The following MFSD6L variants were observed in gnomAD, a reference collection of about 807,000 sequenced individuals.
MFSD6L encodes major facilitator superfamily domain containing 6 like.
A neutral mutation model predicts 6.4 loss-of-function variants in MFSD6L; 9 were observed. The ratio of observed to expected loss-of-function variants is 1.42; its 90% CI spans 0.85 to 2.47. The LOEUF (loss-of-function observed/expected upper bound fraction) is 2.47. Ranked by LOEUF, MFSD6L falls within the 30% of genes most tolerant of loss-of-function variation. MFSD6L has a pLI of 0.00. For synonymous variants in MFSD6L, 336 were observed against 322.4 expected, an observed-to-expected ratio of 1.04 and a Z score of -0.45; for missense variants, 747 against 730.6, an observed-to-expected ratio of 1.02 and a Z score of -0.26.
rs774073392 is a variant in MFSD6L at position 8,797,780 on chromosome 17, G to A, written c.1341C>T (p.Tyr447=). Reference sequence around the variant, plus strand: ...ACCACCAGCTCCAGAGGAAAGAGTAGTACAGCAGCTGCCCAGCGAGGCAGC... The same window carrying A: ...ACCACCAGCTCCAGAGGAAAGAGTAATACAGCAGCTGCCCAGCGAGGCAGC... ...GLSCLAGQLL[Y]YSFLWSWWSV... is the part of the protein sequence containing the mutation. The change falls in exon 1 of 1, where the codon TAC becomes TAT. Residue 447 remains tyrosine, a synonymous_variant. Transcript: ENST00000329805. 6.8e-6 allele frequency: 11 copies of A among 1,613,922 alleles called. No individual in the cohort carries two copies. Among genetic ancestry groups the A allele is most frequent in the Middle Eastern group, 1.6e-4 (1 of 6,084 alleles).
Position 8,798,289 on chromosome 17 carries a change from C to A in MFSD6L, c.832G>T (p.Val278Leu), listed in dbSNP as rs1443793384. 10 of 1,607,672 alleles carry A rather than the reference C, an allele frequency of 6.2e-6. No homozygotes were observed. The highest frequency in any genetic ancestry group is 8.5e-6 in the Non-Finnish European group (10 of 1,180,008). The change falls in exon 1 of 1, where the codon GTG (valine) becomes TTG (leucine). Residue 278 changes from valine (V) to leucine (L), a missense_variant. Val to Leu is a conservative substitution (Grantham distance 32). Coordinates refer to ENST00000329805, the MANE Select transcript of MFSD6L (RefSeq NM_152599.4). ...CTTCTGTATCGGTCAGTGGCATCCACAAAATCCAGGAACTCATAAAGGCTG... is the reference window on the plus strand; with the variant it reads ...CTTCTGTATCGGTCAGTGGCATCCAAAAAATCCAGGAACTCATAAAGGCTG... ...DDSLYEFLDFVDATDRYRSLW... is the reference protein window; with the variant it reads ...DDSLYEFLDFLDATDRYRSLW...
In MFSD6L at chr17:8,797,550, T is replaced by C; in HGVS notation, c.1571A>G (p.Tyr524Cys). The change falls in exon 1 of 1, where the codon TAC becomes TGC. Residue 524 changes from tyrosine to cysteine, a missense_variant. Transcript: ENST00000329805. ...VVMRFSLAVL[Y>C]QACCVALLLW... is the part of the protein sequence containing the mutation. Reference sequence around the variant, plus strand: ...CAACAGGGCCACACAGCAGGCCTGGTAGAGCACAGCCAGGCTGAAGCGCAT... The same window carrying C: ...CAACAGGGCCACACAGCAGGCCTGGCAGAGCACAGCCAGGCTGAAGCGCAT... 2 of 1,613,788 alleles carry C rather than the reference T, an allele frequency of 1.2e-6. No homozygotes were observed. The highest frequency in any genetic ancestry group is 1.1e-5 in the South Asian group (1 of 91,044).
At position 8,797,404 on chromosome 17, in the gene MFSD6L, G is replaced by A; in HGVS notation, c.1717C>T (p.Gln573Ter). The A allele has an allele frequency of 1.2e-6, 2 of 1,603,262 alleles. No individual in the cohort carries two copies. The highest frequency in any genetic ancestry group is 1.7e-6 in the Non-Finnish European group (2 of 1,174,562). Residue 573 changes from glutamine to a stop codon, truncating the protein, a stop_gained, in exon 1 of 1, where the codon CAG becomes TAG. Coordinates refer to ENST00000329805, the MANE Select transcript of MFSD6L (RefSeq NM_152599.4). LOFTEE classifies it high-confidence loss of function. ...CTCATGGCCTTCACAAGCCAGTCCT[G>A]TTCTGTCCCCTGCTCAGAGTCACTG... is the stretch of plus-strand genomic sequence containing the variant. ...DTSDSEQGTE[Q>*]DWLVKAMREE...
In MFSD6L at chr17:8,798,909, T is replaced by C; in HGVS notation, c.212A>G (p.Lys71Arg). ...FWAPVCAFLA[K>R]SYRKRRALLI... ...AAGCGCTCTCCTTTTCCGGTAGCTTTTGGCCAGGAAGGCACAGACGGGAGC... is the reference window on the plus strand; with the variant it reads ...AAGCGCTCTCCTTTTCCGGTAGCTTCTGGCCAGGAAGGCACAGACGGGAGC... The change falls in exon 1 of 1, where the codon AAA becomes AGA. Residue 71 changes from lysine (K) to arginine (R), a missense_variant. Coordinates refer to ENST00000329805, the MANE Select transcript of MFSD6L (RefSeq NM_152599.4). 1.9e-6 allele frequency: 3 copies of C among 1,614,010 alleles called. No homozygotes were observed. Among genetic ancestry groups the C allele is most frequent in the Non-Finnish European group, 2.5e-6 (3 of 1,179,964 alleles).
In MFSD6L at chr17:8,798,824, C is replaced by T. The variant is rs559718055; in HGVS notation, c.297G>A (p.Pro99=). The change falls in exon 1 of 1, where the codon CCG becomes CCA. Residue 99 remains proline, a synonymous_variant. Coordinates refer to ENST00000329805, the MANE Select transcript of MFSD6L (RefSeq NM_152599.4). ...GGAAGTGCACCCGATTTTTGTCTAC[C>T]GGTGGGACCAGGACCATCAGCAGGC... is the stretch of plus-strand genomic sequence containing the variant. ...GASLLMVLVP[P]VDKNRVHFPC... 64 of 1,614,022 alleles carry T rather than the reference C, an allele frequency of 4.0e-5. No homozygotes were observed. The highest frequency in any genetic ancestry group is 5.0e-5 in the Admixed American group (3 of 60,024).
Position 8,799,130 on chromosome 17 carries a change from G to T in MFSD6L, c.-10C>A. On this transcript the variant is annotated 5_prime_UTR_variant, in exon 1 of 1. Coordinates refer to ENST00000329805, the MANE Select transcript of MFSD6L (RefSeq NM_152599.4). This position sits in a 1 kb window ranked among gnomAD's most constrained non-coding sequence, Gnocchi z 5.3. ...GGGGGTTGGCACTCATGGCTGCCGG[G>T]CTCTGTCAGGCCTGGGCCGACGGAG... 1 of 1,538,544 alleles carries T rather than the reference G, an allele frequency of 6.5e-7. No individual in the cohort carries two copies. The highest frequency in any genetic ancestry group is 2.3e-5 in the East Asian group (1 of 44,074).
At position 8,798,584 on chromosome 17, in the gene MFSD6L, A is replaced by G; in HGVS notation, c.537T>C (p.Ala179=). 6.2e-7 allele frequency: 1 copy of G among 1,614,160 alleles called. No homozygotes were observed. The highest frequency in any genetic ancestry group is 1.3e-5 in the African/African-American group (1 of 75,048). Residue 179 remains alanine, a synonymous_variant, in exon 1 of 1, where the codon GCT becomes GCC. Coordinates refer to ENST00000329805, the MANE Select transcript of MFSD6L (RefSeq NM_152599.4). ...GGAGGAGAGCTTGGGATGTGGTCCT[A>G]GCTCCTTCAACGGAGGGCGCTAAGT... The part of the protein sequence containing the change: ...HVYLAPSVEG[A]RTTSQALLHP...
Position 8,797,510 on chromosome 17 carries a change from C to G in MFSD6L, c.1611G>C (p.Leu537Phe), listed in dbSNP as rs752185543. The G allele has an allele frequency of 6.2e-7, 1 of 1,613,984 alleles. No individual in the cohort carries two copies. Among genetic ancestry groups the G allele is most frequent in the African/African-American group, 1.3e-5 (1 of 74,946 alleles). ...GCAGCCTCCGCTGTATGGACAGGAGCAAGGCCAACCAGAGCAACAGGGCCA... is the reference window on the plus strand; with the variant it reads ...GCAGCCTCCGCTGTATGGACAGGAGGAAGGCCAACCAGAGCAACAGGGCCA... The part of the protein sequence containing the change: ...CCVALLLWLA[L>F]LLSIQRRLPR... Residue 537 changes from leucine (L) to phenylalanine (F), a missense_variant, in exon 1 of 1, where the codon TTG (leucine) becomes TTC (phenylalanine). Leu to Phe is a conservative substitution (Grantham distance 22, BLOSUM62 0). Transcript: ENST00000329805.
chr17:8,798,996 C>G lies in MFSD6L; in HGVS notation c.125G>C (p.Gly42Ala). 6.2e-7 allele frequency: 1 copy of G among 1,613,740 alleles called. No homozygotes were observed. The highest frequency in any genetic ancestry group is 1.1e-5 in the South Asian group (1 of 91,054). The change falls in exon 1 of 1, where the codon GGC becomes GCC. Residue 42 changes from glycine (G) to alanine (A), a missense_variant. Physicochemically the swap from Gly to Ala is moderately conservative, Grantham distance 60. Coordinates refer to ENST00000329805, the MANE Select transcript of MFSD6L (RefSeq NM_152599.4). The part of the protein sequence containing the change: ...PFLTLYLRQL[G>A]LAAPWVGTLM... Reference sequence around the variant, plus strand: ...GGTGCCCACCCAGGGCGCGGCCAAGCCCAGCTGCCTCAGGTAAAGGGTCAG... The same window carrying G: ...GGTGCCCACCCAGGGCGCGGCCAAGGCCAGCTGCCTCAGGTAAAGGGTCAG...
chr17:8,799,136 T>G lies in MFSD6L; in HGVS notation c.-16A>C. ...TGGCACTCATGGCTGCCGGGCTCTG[T>G]CAGGCCTGGGCCGACGGAGGGCGGA... On this transcript the variant is annotated 5_prime_UTR_variant, in exon 1 of 1. Coordinates refer to ENST00000329805, the MANE Select transcript of MFSD6L (RefSeq NM_152599.4). This position sits in a 1 kb window ranked among gnomAD's most constrained non-coding sequence, Gnocchi z 5.3. The G allele has an allele frequency of 2.0e-6, 3 of 1,535,038 alleles. No homozygotes were observed. Among genetic ancestry groups the G allele is most frequent in the Non-Finnish European group, 2.6e-6 (3 of 1,141,702 alleles).
At position 8,798,463 on chromosome 17, in the gene MFSD6L, C is replaced by T. The variant is rs369109761; in HGVS notation, c.658G>A (p.Gly220Arg). ...LPLLPGGKGP[G>R]NPANLSGTKG... ...GTCCCTGACAAATTGGCTGGATTCCCGGGCCCTTTCCCCCCAGGAAGCAAG... is the reference window on the plus strand; with the variant it reads ...GTCCCTGACAAATTGGCTGGATTCCTGGGCCCTTTCCCCCCAGGAAGCAAG... Residue 220 changes from glycine (G) to arginine (R), a missense_variant, in exon 1 of 1, where the codon GGG (glycine) becomes AGG (arginine). By Grantham distance (125) the Gly-to-Arg change is moderately radical. Transcript: ENST00000329805. 1.7e-5 allele frequency: 28 copies of T among 1,606,782 alleles called. No individual in the cohort carries two copies. The highest frequency in any genetic ancestry group is 2.3e-5 in the Non-Finnish European group (27 of 1,175,716).
Position 8,798,601 on chromosome 17 carries a change from G to A in MFSD6L, c.520C>T (p.Pro174Ser). 6.2e-7 allele frequency: 1 copy of A among 1,614,210 alleles called. No homozygotes were observed. Among genetic ancestry groups the A allele is most frequent in the Non-Finnish European group, 8.5e-7 (1 of 1,180,036 alleles). The change falls in exon 1 of 1, where the codon CCC becomes TCC. Residue 174 changes from proline to serine, a missense_variant. Physicochemically the swap from Pro to Ser is moderately conservative, Grantham distance 74. Coordinates refer to ENST00000329805, the MANE Select transcript of MFSD6L (RefSeq NM_152599.4). ...GTGGTCCTAGCTCCTTCAACGGAGG[G>A]CGCTAAGTAGACGTGCAGATCACGG... Reference protein sequence around the residue: ...TFRDLHVYLAPSVEGARTTSQ... With the variant: ...TFRDLHVYLASSVEGARTTSQ...
In MFSD6L at chr17:8,797,616, C is replaced by G. The variant is rs140422131; in HGVS notation, c.1505G>C (p.Ser502Thr). Residue 502 changes from serine to threonine, a missense_variant, in exon 1 of 1, where the codon AGT becomes ACT. Ser to Thr is a moderately conservative substitution (Grantham distance 58). Coordinates refer to ENST00000329805, the MANE Select transcript of MFSD6L (RefSeq NM_152599.4). Reference sequence around the variant, plus strand: ...GACAAAGCTGCCCAGGCTACAGCCACTCCCGTAAAAGTGGCCTCGGAACAA... The same window carrying G: ...GACAAAGCTGCCCAGGCTACAGCCAGTCCCGTAAAAGTGGCCTCGGAACAA... The part of the protein sequence containing the change: ...SALFRGHFYG[S>T]GCSLGSFVGG... The G allele has an allele frequency of 3.2e-5, 51 of 1,613,364 alleles. No individual in the cohort carries two copies. The highest frequency in any genetic ancestry group is 4.0e-5 in the African/African-American group (3 of 74,940).
chr17:8,798,638 G>T lies in MFSD6L; in HGVS notation c.483C>A (p.Asp161Glu). Residue 161 changes from aspartate (D) to glutamate (E), a missense_variant, in exon 1 of 1, where the codon GAC (aspartate) becomes GAA (glutamate). Transcript: ENST00000329805. ...CGTGCAGATCACGGAAAGTTTCTCGGTCACTTTCACCAGGTGGGTTTCTGA... is the reference window on the plus strand; with the variant it reads ...CGTGCAGATCACGGAAAGTTTCTCGTTCACTTTCACCAGGTGGGTTTCTGA... ...PGFRNPPGES[D>E]RETFRDLHVY... 1.9e-6 allele frequency: 3 copies of T among 1,614,096 alleles called. No homozygotes were observed. The highest frequency in any genetic ancestry group is 1.7e-6 in the Non-Finnish European group (2 of 1,180,002).
Position 8,799,108 on chromosome 17 carries a change from G to C in MFSD6L, c.13C>G (p.Pro5Ala), listed in dbSNP as rs769435661. The change falls in exon 1 of 1, where the codon CCC (proline) becomes GCC (alanine). Residue 5 changes from proline to alanine, a missense_variant. By Grantham distance (27) the Pro-to-Ala change is conservative. Transcript: ENST00000329805. The surrounding 1 kb of genome is among the most constrained non-coding windows in gnomAD (Gnocchi z 5.3). ...AGCGCCCTGCTGATGTCCCACCGGG[G>C]GTTGGCACTCATGGCTGCCGGGCTC... MSAN[P>A]RWDISRALGV... is the part of the protein sequence containing the mutation. 3.2e-6 allele frequency: 5 copies of C among 1,559,418 alleles called. No individual in the cohort carries two copies. The highest frequency in any genetic ancestry group is 4.3e-6 in the Non-Finnish European group (5 of 1,151,968).
In MFSD6L at chr17:8,797,793, C is replaced by T. The variant is rs200343875; in HGVS notation, c.1328G>A (p.Gly443Glu). Reference protein sequence around the residue: ...LVGLGLSCLAGQLLYYSFLWS... With the variant: ...LVGLGLSCLAEQLLYYSFLWS... ...GAGGAAAGAGTAGTACAGCAGCTGC[C>T]CAGCGAGGCAGCTCAGCCCCAGCCC... is the stretch of plus-strand genomic sequence containing the variant. The change falls in exon 1 of 1, where the codon GGG becomes GAG. Residue 443 changes from glycine (G) to glutamate (E), a missense_variant. By Grantham distance (98) the Gly-to-Glu change is moderately conservative. Coordinates refer to ENST00000329805, the MANE Select transcript of MFSD6L (RefSeq NM_152599.4). 7.1e-5 allele frequency: 114 copies of T among 1,613,978 alleles called. No homozygotes were observed. The highest frequency in any genetic ancestry group is 1.7e-4 in the Admixed American group (10 of 60,014).
At position 8,797,256 on chromosome 17, in the gene MFSD6L, C is replaced by T. The variant is rs1017053686; in HGVS notation, c.*104G>A. On this transcript the variant is annotated 3_prime_UTR_variant, in exon 1 of 1. Transcript: ENST00000329805. Reference sequence around the variant, plus strand: ...CAGCACAGACCCATCCTCTCTTCCCCGGCTCCCAGCAGTCCAGGGCAGGTT... The same window carrying T: ...CAGCACAGACCCATCCTCTCTTCCCTGGCTCCCAGCAGTCCAGGGCAGGTT... The T allele has an allele frequency of 5.2e-5, 56 of 1,079,536 alleles. No individual in the cohort carries two copies. The Middle Eastern group carries it at 6.5e-4, about 12-fold the overall frequency. 66.9% of individuals were successfully genotyped at this position (1,079,536 alleles called of 1,614,324 possible).
Position 8,798,365 on chromosome 17 carries a change from G to A in MFSD6L, c.756C>T (p.Ser252=), listed in dbSNP as rs748663324. ...LRRTFILSLG[S]VAFWELLTAP... is the part of the protein sequence containing the mutation. The stretch of plus-strand genomic sequence containing the variant: ...CTGTCAGCAGCTCCCAGAACGCCAC[G>A]GACCCCAAGGAGAGGATAAAAGTCC... Residue 252 remains serine (S), a synonymous_variant, in exon 1 of 1, where the codon TCC becomes TCT. Coordinates refer to ENST00000329805, the MANE Select transcript of MFSD6L (RefSeq NM_152599.4). 3 of 1,612,316 alleles carry A rather than the reference G, an allele frequency of 1.9e-6. No individual in the cohort carries two copies. The highest frequency in any genetic ancestry group is 2.5e-6 in the Non-Finnish European group (3 of 1,179,926).
Position 8,797,471 on chromosome 17 carries a change from T to C in MFSD6L, c.1650A>G (p.Lys550=), listed in dbSNP as rs1168886325. 6.8e-6 allele frequency: 11 copies of C among 1,614,098 alleles called. 1 individual carries two copies. The highest frequency in any genetic ancestry group is 1.3e-5 in the African/African-American group (1 of 75,022). ...SIQRRLPRER[K]IKYSKLLSME... ...TGGACAGCAGCTTCGAGTACTTGAT[T>C]TTCCGCTCTCGGGGCAGCCTCCGCT... Residue 550 remains lysine (K), a synonymous_variant, in exon 1 of 1, where the codon AAA becomes AAG. Transcript: ENST00000329805.
Sources: gnomAD v4.1 joint callset for allele counts on GRCh38, gnomAD v4.1.1 for gene constraint, Gnocchi (gnomAD v3.1) non-coding constraint, MANE v1.5 for transcripts, NCBI Gene and HGNC (gene_info 2026-07-23, HGNC 2026-07-21) for gene names.